Variants in SELENOI observed in about 807,000 individuals in gnomAD.
SELENOI encodes the protein ethanolaminephosphotransferase 1.
A neutral mutation model predicts 50.7 loss-of-function variants in SELENOI; 24 were observed. The ratio of observed to expected loss-of-function variants is 0.47; its 90% CI spans 0.34 to 0.67. The LOEUF (loss-of-function observed/expected upper bound fraction) is 0.67, where lower values mean the gene tolerates loss of function less well. Among genes scored for constraint, SELENOI ranks in the 30% least tolerant of loss-of-function variants. The pLI is 0.01. For synonymous variants in SELENOI, 155 were observed against 170.2 expected, an observed-to-expected ratio of 0.91 and a Z score of 0.70; for missense variants, 352 against 461.4, an observed-to-expected ratio of 0.76 and a Z score of 2.17.
rs1342987519 is a variant in SELENOI at position 26,349,141 on chromosome 2, G to A, written c.57+2852G>A. ...AGCGATTCTCCTGTCTCAGCCTCCC[G>A]AGTAGCTGGGATTACAGGCATGCAC... On this transcript the variant is annotated intron_variant, in intron 1 of 9. Coordinates refer to ENST00000260585, the MANE Select transcript of SELENOI (RefSeq NM_033505.4). Among the ~76,000 whole-genome samples the A allele has an allele frequency of 3.3e-5, 5 of 149,836 alleles. No individual in the cohort carries two copies. The East Asian group carries it at 7.9e-4, about 24-fold the overall frequency.
At chr2:26,348,807 G>C (rs1251631595) in intron 1 of SELENOI, among the ~76,000 whole-genome samples, 2 of 149,632 alleles carry the variant, frequency 1.3e-5, no homozygotes, top group African/African-American at 2.5e-5. Context: ...CATTTTGGAA[G>C]TATGGTTAAA....
At chr2:26,388,547 TA>T (rs1412017201) in intron 9 of SELENOI, among the ~76,000 whole-genome samples, 1 of 152,172 alleles carries the variant, frequency 6.6e-6, no homozygotes, top group Non-Finnish European at 1.5e-5. Context: ...CGCTGACCTA[TA>T]ACTAAGCTCT....
rs1677421376 is a variant in SELENOI, at chr2:26,370,973, G to C, written c.311-2394G>C. On this transcript the variant is annotated intron_variant, in intron 4 of 9. Coordinates refer to ENST00000260585, the MANE Select transcript of SELENOI (RefSeq NM_033505.4). The stretch of plus-strand genomic sequence containing the variant: ...CCCGGATGGGGCGGCTGGCCGGGCG[G>C]GGGGCTGACCCCCCCACCTCCCTCC... Among the ~76,000 whole-genome samples the C allele has an allele frequency of 1.4e-5, 2 of 138,540 alleles. 1 individual carries two copies. Among genetic ancestry groups the C allele is most frequent in the African/African-American group, 5.3e-5 (2 of 37,716 alleles). 90.9% of individuals were successfully genotyped at this position (138,540 alleles called of 152,430 possible).
intron 8 of SELENOI, 125 bp from the exon 9 acceptor site, chr2:26,386,229 A>G: frequency 1.0e-6 from 1 of 971,296 alleles, no homozygotes; most frequent in Non-Finnish European, 1.5e-6. Context: ...CTGAACTTAG[A>G]TAATGTAAGT....
chr2:26,385,700 G>A (rs1027415318), intron 8 of SELENOI, among the ~76,000 whole-genome samples: 1 of 152,170 alleles, frequency 6.6e-6, no homozygotes, highest in Non-Finnish European at 1.5e-5. Context: ...AAGCCAGAAG[G>A]TCTGTGTTCT....
chr2:26,346,369 T>C, intron 1 of SELENOI, 80 bp downstream of exon 1: 1 of 1,464,386 alleles, frequency 6.8e-7, no homozygotes, highest in South Asian at 1.3e-5. Context: ...GCGCGGTCCG[T>C]GTCACCTTGT....
At chr2:26,378,230 T>C (rs1284366059) in intron 6 of SELENOI, among the ~76,000 whole-genome samples, 2 of 152,214 alleles carry the variant, frequency 1.3e-5, no homozygotes, top group African/African-American at 4.8e-5. Flanking sequence ...TTCCAGCAAT[T>C]GTGTTCTGCC....
chr2:26,357,169 C>A (rs1677081537), intron 1 of SELENOI, among the ~76,000 whole-genome samples: 2 of 152,192 alleles, frequency 1.3e-5, no homozygotes, highest in African/African-American at 4.8e-5. Context: ...TCCCTCTCAC[C>A]AAACTACTGT....
At chr2:26,346,429 G>T in intron 1 of SELENOI, 140 bp downstream of exon 1, 1 of 1,071,842 alleles carries the variant, frequency 9.3e-7, no homozygotes, top group Admixed American at 3.2e-5. Context: ...AGGTCCTGCG[G>T]GTCCTGGGGA....
At chr2:26,362,224 C>T (rs538193500) in intron 1 of SELENOI, among the ~76,000 whole-genome samples, 11 of 151,976 alleles carry the variant, frequency 7.2e-5, no homozygotes, top group South Asian at 2.1e-4. Context: ...CACCTGCCAC[C>T]GTGCCCGGCT....
chr2:26,379,381 G>A (rs933746195), intron 6 of SELENOI, among the ~76,000 whole-genome samples: 9 of 152,092 alleles, frequency 5.9e-5, no homozygotes, highest in Admixed American at 1.3e-4. Context: ...TAGATTCTGC[G>A]TTTTCCTGGT....
chr2:26,374,880 A>C (rs1677533422), intron 5 of SELENOI, among the ~76,000 whole-genome samples, 160 bp from the exon 6 acceptor site: 1 of 152,146 alleles, frequency 6.6e-6, no homozygotes, highest in African/African-American at 2.4e-5. Flanking sequence ...AAAAGATTGT[A>C]TTTTTAAAGG....
chr2:26,352,699 G>A (rs7423727), intron 1 of SELENOI, among the ~76,000 whole-genome samples: 62,982 of 151,834 alleles, frequency 0.41, 13,347 homozygotes, highest in African/African-American at 0.48. Flanking sequence ...CAGGAGAATC[G>A]CTTGAATCTG....
At chr2:26,358,278 C>T (rs991123482) in intron 1 of SELENOI, among the ~76,000 whole-genome samples, 2 of 152,124 alleles carry the variant, frequency 1.3e-5, no homozygotes, top group African/African-American at 4.8e-5. Context: ...GGGTGCACAT[C>T]TGTGAGGCTG....
At chr2:26,373,239 C>A in intron 4 of SELENOI, 128 bp from the exon 5 acceptor site, 2 of 1,120,340 alleles carry the variant, frequency 1.8e-6, no homozygotes, top group African/African-American at 1.6e-5. Context: ...ATAGTACCAG[C>A]TGATAGCTAT....
intron 1 of SELENOI, among the ~76,000 whole-genome samples, chr2:26,359,870 A>G (rs1677139409): frequency 6.6e-6 from 1 of 152,114 alleles, no homozygotes; most frequent in South Asian, 2.1e-4. Context: ...CTTCTCCTAA[A>G]TGAGGGTCAG....
intron 1 of SELENOI, among the ~76,000 whole-genome samples, chr2:26,361,904 C>T (rs987974627): frequency 2.0e-5 from 3 of 151,922 alleles, no homozygotes; most frequent in Non-Finnish European, 2.9e-5. Context: ...ATGATCCGCC[C>T]GCCTCGGCCT....
At position 26,367,105 on chromosome 2, in the gene SELENOI, T is replaced by C. The variant is rs751079622; in HGVS notation, c.236-41T>C. On this transcript the variant is annotated intron_variant, in intron 3 of 9. Coordinates refer to ENST00000260585, the MANE Select transcript of SELENOI (RefSeq NM_033505.4). ...GTATATGCTATGGTAAGAACTACTG[T>C]ACTTAAACTGTATTAAAATCTTAGT... 3 of 1,551,850 alleles carry C rather than the reference T, an allele frequency of 1.9e-6. No individual in the cohort carries two copies. The East Asian group carries it at 6.9e-5, about 36-fold the overall frequency.
chr2:26,380,527 C>T (rs914012082), intron 6 of SELENOI, among the ~76,000 whole-genome samples: 14 of 152,158 alleles, frequency 9.2e-5, no homozygotes, highest in African/African-American at 3.1e-4. Flanking sequence ...CAACCATCCC[C>T]CTATCAATAG....
Sources: gnomAD v4.1 joint callset for allele counts (sites outside exome capture counted in the v4.1 genomes callset) on GRCh38, gnomAD v4.1.1 for gene constraint, MANE v1.5 for transcripts, NCBI Gene and HGNC (gene_info 2026-07-23, HGNC 2026-07-21) for gene names.